Variants in CASP6 observed in about 807,000 individuals in gnomAD.
CASP6 encodes the protein caspase-6.
In CASP6, 20 loss-of-function variants were observed where a neutral mutation model predicts 31.8. That is an observed-to-expected ratio of 0.63 (90% CI 0.44 to 0.91). The LOEUF (loss-of-function observed/expected upper bound fraction) is 0.91, where lower values mean the gene tolerates loss of function less well. CASP6 is among the 40% of genes least tolerant of loss of function. The pLI is 0.00. For synonymous variants in CASP6, 130 were observed against 127.8 expected, an observed-to-expected ratio of 1.02 and a Z score of -0.12; for missense variants, 328 against 361.1, an observed-to-expected ratio of 0.91 and a Z score of 0.74.
At chr4:109,692,745 C>T (rs1422493274) in intron 5 of CASP6, 1 of 152,262 alleles carries the variant, frequency 6.6e-6, no homozygotes, top group African/African-American at 2.4e-5. Context: ...GCCGAGGCCA[C>T]CTGTCTTAGG....
At chr4:109,667,280 A>G in the CASP6 span, among the ~76,000 whole-genome samples, 1 of 152,196 alleles carries the variant, frequency 6.6e-6, no homozygotes, top group East Asian at 1.9e-4. Flanking sequence ...AGGCTTATGT[A>G]GATTGTGTAT....
At chr4:109,699,033 C>G (rs374926792) in intron 1 of CASP6, among the ~76,000 whole-genome samples, 1 of 152,232 alleles carries the variant, frequency 6.6e-6, no homozygotes, top group Non-Finnish European at 1.5e-5. Context: ...AAGGTAGCCA[C>G]TGGCCACATG....
chr4:109,676,432 A>C, the CASP6 span, among the ~76,000 whole-genome samples: 2 of 152,206 alleles, frequency 1.3e-5, no homozygotes, highest in Non-Finnish European at 2.9e-5. Flanking sequence ...CTTTGAAATG[A>C]GGAATATCTT....
chr4:109,664,532 C>T, the CASP6 span: 1 of 557,606 alleles, frequency 1.8e-6, no homozygotes, highest in Non-Finnish European at 3.2e-6. Flanking sequence ...TCAAACAATC[C>T]TCCCACCTCA....
chr4:109,707,001 C>G (rs557389023), upstream of CASP6, among the ~76,000 whole-genome samples: 17 of 152,218 alleles, frequency 1.1e-4, no homozygotes, highest in Non-Finnish European at 2.1e-4. Flanking sequence ...CCTAATCAGT[C>G]AGCAGCCCTC....
chr4:109,704,110 C>T (rs1730528013), upstream of CASP6, among the ~76,000 whole-genome samples: 1 of 152,212 alleles, frequency 6.6e-6, no homozygotes, highest in Non-Finnish European at 1.5e-5. Flanking sequence ...TCTCCCCCTC[C>T]TGGGGCCTCC....
Position 109,694,630 on chromosome 4 carries a change from G to C in CASP6, c.378C>G (p.His126Gln). 6.2e-7 allele frequency: 1 copy of C among 1,613,022 alleles called. No homozygotes were observed. Among genetic ancestry groups the C allele is most frequent in the Non-Finnish European group, 8.5e-7 (1 of 1,179,582 alleles). Residue 126 changes from histidine to glutamine, a missense_variant, in exon 5 of 7, where the codon CAC (histidine) becomes CAG (glutamine). By Grantham distance (24) the His-to-Gln change is conservative. Coordinates refer to ENST00000265164, the MANE Select transcript of CASP6 (RefSeq NM_001226.4). ...CGATTTTAGCATCATATGCATAAAT[G>C]TGATTGCCTTCGCCATGGCTCAGGA... ...CVFLSHGEGNHIYAYDAKIEI... is the reference protein window; with the variant it reads ...CVFLSHGEGNQIYAYDAKIEI...
chr4:109,670,202 G>T, the CASP6 span, among the ~76,000 whole-genome samples: 7 of 152,194 alleles, frequency 4.6e-5, no homozygotes, highest in Admixed American at 3.9e-4. Context: ...TGATTAAGGG[G>T]ACTAGGTCTC....
intron 2 of CASP6, 78 bp from the exon 3 acceptor site, chr4:109,697,846 T>C (rs1315408429): frequency 1.7e-5 from 25 of 1,492,420 alleles, no homozygotes; most frequent in Non-Finnish European, 2.3e-5. Flanking sequence ...GGTCAACATG[T>C]AGATAGAGAT....
In CASP6 at chr4:109,689,194, T is replaced by C; in HGVS notation, c.*136A>G. The C allele has an allele frequency of 1.3e-6, 1 of 756,896 alleles. No individual in the cohort carries two copies. Among genetic ancestry groups the C allele is most frequent in the Non-Finnish European group, 2.2e-6 (1 of 447,476 alleles). The allele number at this position is 756,896 out of a possible 1,614,324, so 46.9% of individuals were successfully genotyped here. A position where few individuals can be genotyped will look rare whatever the true frequency, so the allele number is the denominator to read the frequency against. ...CGGGGCTTCTCCATGTTGGTCAGGC[T>C]GGTCTCGAACTCCCGACCTCAGGTG... is the stretch of plus-strand genomic sequence containing the variant. On this transcript the variant is annotated 3_prime_UTR_variant, in exon 7 of 7. Transcript: ENST00000265164.
At chr4:109,687,485 A>AG (rs1442172153), downstream of CASP6, 6 of 1,503,952 alleles carry the variant, frequency 4.0e-6, no homozygotes, top group Non-Finnish European at 5.5e-6. Flanking sequence ...CTTCTTTCTG[A>AG]TCACATGCTT....
chr4:109,707,292 C>T (rs1561267362), upstream of CASP6, among the ~76,000 whole-genome samples: 2 of 152,092 alleles, frequency 1.3e-5, no homozygotes, highest in Non-Finnish European at 2.9e-5. Context: ...AGTCCTTTCC[C>T]CAGTGCAAGT....
In CASP6 at chr4:109,689,381, A is replaced by AC; in HGVS notation, c.830dup (p.Cys277TrpfsTer8). ...GCTTTTTAGTTAGCATTGAGGCAAAACAGGGAACCTGCTTCTTTCCAATTG... is the reference window on the plus strand; with the variant it reads ...GCTTTTTAGTTAGCATTGAGGCAAAACCAGGGAACCTGCTTCTTTCCAATTG... On this transcript the variant is annotated frameshift_variant, in exon 7 of 7. Transcript: ENST00000265164. LOFTEE classifies it high-confidence loss of function. The AC allele has an allele frequency of 6.2e-7, 1 of 1,614,220 alleles. No individual in the cohort carries two copies. The highest frequency in any genetic ancestry group is 2.2e-5 in the East Asian group (1 of 44,886).
At chr4:109,695,140 A>G (rs1730198126) in intron 4 of CASP6, among the ~76,000 whole-genome samples, 4 of 152,162 alleles carry the variant, frequency 2.6e-5, no homozygotes, top group Admixed American at 2.0e-4. Flanking sequence ...CTACTCTTTA[A>G]TAAGTGTAAA....
chr4:109,682,969 G>A, the CASP6 span: 4 of 410,540 alleles, frequency 9.7e-6, no homozygotes, highest in South Asian at 6.5e-5. Context: ...TTGAGCTCAC[G>A]TGGCCTGTGT....
the CASP6 span, chr4:109,674,126 A>G: frequency 2.2e-6 from 3 of 1,395,234 alleles, no homozygotes; most frequent in African/African-American, 4.3e-5. Context: ...AAGCCTTAGA[A>G]GAAGAGATGC....
At chr4:109,684,429 TCA>T, downstream of CASP6, 2 of 1,588,480 alleles carry the variant, frequency 1.3e-6, no homozygotes, top group Admixed American at 1.8e-5. Context: ...TAACAGTTTT[TCA>T]TTCCCCCTCA....
At chr4:109,693,634 G>A (rs1487282168) in intron 5 of CASP6, among the ~76,000 whole-genome samples, 5 of 147,040 alleles carry the variant, frequency 3.4e-5, no homozygotes, top group African/African-American at 5.1e-5. Context: ...GCAGTGAGCC[G>A]AGATTGCACC....
At chr4:109,666,887 A>G in the CASP6 span, among the ~76,000 whole-genome samples, 1 of 152,148 alleles carries the variant, frequency 6.6e-6, no homozygotes, top group Non-Finnish European at 1.5e-5. Flanking sequence ...GATATGATGG[A>G]TTACATGAAT....
Sources: allele counts gnomAD v4.1 joint callset (sites outside exome capture counted in the v4.1 genomes callset), GRCh38; gene constraint gnomAD v4.1.1; transcripts MANE v1.5; gene names NCBI Gene and HGNC (gene_info 2026-07-23, HGNC 2026-07-21).